MCCC1: variants seen among roughly 807,000 people sequenced by gnomAD.
The protein encoded by MCCC1 is methylcrotonoyl-CoA carboxylase subunit alpha, mitochondrial.
In MCCC1, 64 loss-of-function variants were observed where a neutral mutation model predicts 83.8. The ratio of observed to expected loss-of-function variants is 0.76; its 90% confidence interval spans 0.62 to 0.94. The LOEUF is 0.94. Ranked by LOEUF, MCCC1 falls within the 40% of genes least tolerant of loss-of-function variation. The probability of loss-of-function intolerance (pLI) is 0.00; values close to 1 mark genes in which losing one functional copy is unlikely to be tolerated. For synonymous variants in MCCC1, 322 were observed against 315.4 expected, an observed-to-expected ratio of 1.02 and a Z score of -0.22; for missense variants, 807 against 904.7, an observed-to-expected ratio of 0.89 and a Z score of 1.39.
chr3:183,039,060 A>G lies in MCCC1; in HGVS notation c.1343T>C (p.Leu448Ser), dbSNP rs1713852035. The change falls in exon 12 of 19, where the codon TTG (leucine) becomes TCG (serine). Residue 448 changes from leucine (L) to serine (S), a missense_variant. Transcript: ENST00000265594. ...ACGAAGGCTGTACCTCAGTTTTGTC[A>G]ATGCCGCCTGGCGATCTGCTGCCCA... Reference protein sequence around the residue: ...VVWAADRQAALTKLRYSLRQY... With the variant: ...VVWAADRQAASTKLRYSLRQY... 6.2e-7 allele frequency: 1 copy of G among 1,614,232 alleles called. No homozygotes were observed. Among genetic ancestry groups the G allele is most frequent in the Non-Finnish European group, 8.5e-7 (1 of 1,180,044 alleles).
rs555418216 is a variant in MCCC1 at position 183,040,435 on chromosome 3, G to A, written c.1267+1132C>T. On this transcript the variant is annotated intron_variant, in intron 11 of 18. Coordinates refer to ENST00000265594, the MANE Select transcript of MCCC1 (RefSeq NM_020166.5). ...CCTCTTAAAAACTTGTCCTGGCCAG[G>A]CACGGTGGCTCACCCCTGTAATCCC... is the stretch of plus-strand genomic sequence containing the variant. Among the ~76,000 whole-genome samples, 26 of 151,634 alleles carry A rather than the reference G, an allele frequency of 1.7e-4. No individual in the cohort carries two copies. In the South Asian group the frequency reaches 5.2e-3, roughly 31 times the overall value.
intron 8 of MCCC1, among the ~76,000 whole-genome samples, chr3:183,053,947 G>A (rs1360152942): frequency 2.5e-4 from 35 of 140,818 alleles, no homozygotes; most frequent in South Asian, 4.6e-4. Context: ...GTATGATCTC[G>A]GCTCATTGCA....
chr3:183,035,147 T>C (rs1713462128), intron 13 of MCCC1, among the ~76,000 whole-genome samples: 1 of 152,208 alleles, frequency 6.6e-6, no homozygotes, highest in South Asian at 2.1e-4. Context: ...GCTAAGCTGA[T>C]GCAATTTATT....
upstream of MCCC1, among the ~76,000 whole-genome samples, chr3:183,104,017 G>A (rs1361128757): frequency 6.6e-6 from 1 of 152,148 alleles, no homozygotes; most frequent in Admixed American, 6.5e-5. Context: ...CCCCGGGCCG[G>A]CAGGGCCGGC....
At position 183,019,482 on chromosome 3, in the gene MCCC1, G is replaced by A. The variant is rs148521430; in HGVS notation, c.1977+648C>T. On this transcript the variant is annotated intron_variant, in intron 17 of 18. Transcript: ENST00000265594. ...GTCCCTTGTCCCTTCCACCACGTGA[G>A]GACACAGAGAAAAAATGGCTGTTTA... Among the ~76,000 whole-genome samples the A allele has an allele frequency of 4.0e-3, 610 of 152,272 alleles. 2 individuals carry two copies. Among genetic ancestry groups the A allele is most frequent in the African/African-American group, 0.014 (582 of 41,544 alleles).
At chr3:183,026,571 A>G (rs575610406) in intron 14 of MCCC1, among the ~76,000 whole-genome samples, 1 of 152,020 alleles carries the variant, frequency 6.6e-6, no homozygotes, top group Non-Finnish European at 1.5e-5. Context: ...TGAGCCAGGC[A>G]TGGCGGCACG....
intron 14 of MCCC1, among the ~76,000 whole-genome samples, chr3:183,026,008 T>C (rs989979471): frequency 1.3e-5 from 2 of 152,196 alleles, no homozygotes; most frequent in Non-Finnish European, 2.9e-5. Flanking sequence ...TTCAAACTTT[T>C]CTTTTTTAAA....
chr3:183,064,054 A>C lies in MCCC1; in HGVS notation c.762-6632T>G, dbSNP rs1247522032. Among the ~76,000 whole-genome samples, 1 of 152,112 alleles carries C rather than the reference A, an allele frequency of 6.6e-6. No individual in the cohort carries two copies. The highest frequency in any genetic ancestry group is 1.5e-5 in the Non-Finnish European group (1 of 68,000). On this transcript the variant is annotated intron_variant, in intron 7 of 18. Transcript: ENST00000265594. This position sits in a 1 kb window ranked among gnomAD's most constrained non-coding sequence, Gnocchi z 4.5. ...CTTAGGAAGGTTAGATTCCTTCCTA[A>C]GATTTAGGGGCTCCTCTCAGTAAAA... is the stretch of plus-strand genomic sequence containing the variant.
Position 183,099,293 on chromosome 3 carries a change from C to T in MCCC1, c.89+59G>A, listed in dbSNP as rs995801757. On this transcript the variant is annotated intron_variant, in intron 1 of 18. Transcript: ENST00000265594. ...TCCGCCGCACCTCCCACCGCTCACG[C>T]GGGTCCGTGCACCCCTCGCTCCCGC... 126 of 1,534,084 alleles carry T rather than the reference C, an allele frequency of 8.2e-5. 1 individual carries two copies. The highest frequency in any genetic ancestry group is 1.0e-4 in the Non-Finnish European group (118 of 1,139,528).
chr3:183,022,773 A>AG, intron 15 of MCCC1: 2 of 493,298 alleles, frequency 4.1e-6, no homozygotes, highest in Non-Finnish European at 7.1e-6. Context: ...GGGAAAAAAA[A>AG]GTTATATAAC....
At chr3:183,036,285 T>C (rs1437534145) in intron 13 of MCCC1, among the ~76,000 whole-genome samples, 2 of 152,040 alleles carry the variant, frequency 1.3e-5, no homozygotes, top group Non-Finnish European at 2.9e-5. Context: ...TATGACACTA[T>C]GAAGTCTCTA....
rs1352360605 is a variant in MCCC1 at position 183,022,484 on chromosome 3, G to A, written c.1802C>T (p.Ser601Phe). ...SEGDCTYLKC[S>F]VNGVASKAKL... The stretch of plus-strand genomic sequence containing the variant: ...CGCTTTACTAGCAACTCCATTAACA[G>A]AACATTTCAGGTAAGTGCAGTCTCC... The change falls in exon 16 of 19, where the codon TCT becomes TTT. Residue 601 changes from serine (S) to phenylalanine (F), a missense_variant. Transcript: ENST00000265594. 1 of 1,613,930 alleles carries A rather than the reference G, an allele frequency of 6.2e-7. No individual in the cohort carries two copies. Among genetic ancestry groups the A allele is most frequent in the Admixed American group, 1.7e-5 (1 of 60,008 alleles).
At chr3:183,094,656 A>G (rs1438736532) in intron 1 of MCCC1, 51 bp from the exon 2 acceptor site, 2 of 1,552,846 alleles carry the variant, frequency 1.3e-6, no homozygotes, top group Non-Finnish European at 1.8e-6. Context: ...AGGCAACACA[A>G]TTGTTCTTTC....
At chr3:183,062,590 G>C (rs995958990) in intron 7 of MCCC1, among the ~76,000 whole-genome samples, 1 of 152,120 alleles carries the variant, frequency 6.6e-6, no homozygotes, top group Non-Finnish European at 1.5e-5. Flanking sequence ...CCTGAGCTCA[G>C]GCAATCTGCC....
At chr3:183,104,324 G>T (rs114012814), upstream of MCCC1, among the ~76,000 whole-genome samples, 1,311 of 152,116 alleles carry the variant, frequency 8.6e-3, 18 homozygotes, top group African/African-American at 0.03. Context: ...TCACCATGTT[G>T]GCCAAGCTGT....
intron 15 of MCCC1, 55 bp from the exon 16 acceptor site, chr3:183,022,609 A>G: frequency 2.1e-6 from 3 of 1,412,912 alleles, no homozygotes; most frequent in Non-Finnish European, 3.0e-6. Context: ...CTACAGAATT[A>G]ATAAGATCAG....
At chr3:183,083,147 T>C (rs967305194) in intron 4 of MCCC1, among the ~76,000 whole-genome samples, 3 of 152,222 alleles carry the variant, frequency 2.0e-5, no homozygotes, top group African/African-American at 7.2e-5. Flanking sequence ...AATTCTAGAC[T>C]TTTAGAAAAC....
chr3:183,017,386 G>C (rs1254319175), intron 17 of MCCC1, 49 bp from the exon 18 acceptor site: 3 of 1,571,302 alleles, frequency 1.9e-6, no homozygotes, highest in Non-Finnish European at 2.6e-6. Flanking sequence ...AGAGGTCCTA[G>C]ATATGTTCAT....
intron 9 of MCCC1, among the ~76,000 whole-genome samples, chr3:183,047,675 A>C (rs557504808): frequency 1.4e-4 from 21 of 152,136 alleles, no homozygotes; most frequent in African/African-American, 3.9e-4. Context: ...AAAAAAAAAA[A>C]CCATAACCCT....
Sources: gnomAD v4.1 joint callset for allele counts (sites outside exome capture counted in the v4.1 genomes callset) on GRCh38, gnomAD v4.1.1 for gene constraint, Gnocchi (gnomAD v3.1) non-coding constraint, MANE v1.5 for transcripts, NCBI Gene and HGNC (gene_info 2026-07-23, HGNC 2026-07-21) for gene names.